Variants in HPSE2 observed in about 807,000 individuals in gnomAD.
HPSE2 encodes heparanase 2 (inactive), also known as inactive heparanase-2.
In HPSE2, 38 loss-of-function variants were observed where a neutral mutation model predicts 60.5. The observed-to-expected ratio is 0.63, with a 90% confidence interval of 0.48 to 0.82. HPSE2 has a LOEUF of 0.82. HPSE2 is among the 40% of genes least tolerant of loss of function. The pLI is 0.00. For missense variants in HPSE2, 713 were observed against 740.4 expected (o/e 0.96, Z 0.43); for synonymous variants, 295 against 293.2 (o/e 1.01, Z -0.06).
intron 9 of HPSE2, among the ~76,000 whole-genome samples, chr10:98,598,417 C>G (rs1456001715): frequency 1.3e-5 from 2 of 152,084 alleles, no homozygotes; most frequent in African/African-American, 4.8e-5. Context: ...TAGGGCAGGC[C>G]TGGAGCCTGT....
chr10:99,157,524 G>T (rs1489784563), intron 2 of HPSE2, among the ~76,000 whole-genome samples: 1 of 121,060 alleles, frequency 8.3e-6, no homozygotes, highest in African/African-American at 2.7e-5. Flanking sequence ...TTTAATAAAT[G>T]GTGCTGGGAA....
intron 9 of HPSE2, among the ~76,000 whole-genome samples, chr10:98,597,249 C>G (rs11189702): frequency 0.38 from 58,405 of 151,992 alleles, 11,401 homozygotes; most frequent in East Asian, 0.51. Context: ...GACCTTTGGC[C>G]TTCCTGTACT....
chr10:99,234,459 G>T (rs532476897), intron 1 of HPSE2, among the ~76,000 whole-genome samples: 1 of 152,336 alleles, frequency 6.6e-6, no homozygotes, highest in Admixed American at 6.5e-5. Context: ...GAGCGCTGAG[G>T]GCTCTTCGAG....
intron 4 of HPSE2, 97 bp from the exon 5 acceptor site, chr10:98,721,925 T>C (rs1349622621): frequency 4.0e-6 from 4 of 989,336 alleles, no homozygotes; most frequent in African/African-American, 3.6e-5. Flanking sequence ...CTTAATAATA[T>C]GAAAAAAAAA....
chr10:99,165,039 C>T (rs542692694), intron 2 of HPSE2, among the ~76,000 whole-genome samples: 24 of 144,114 alleles, frequency 1.7e-4, no homozygotes, highest in African/African-American at 5.1e-4. Context: ...GCCAAGATCG[C>T]GCCACTACAC....
chr10:98,496,212 A>T (rs1246196263), intron 9 of HPSE2, among the ~76,000 whole-genome samples: 1 of 152,130 alleles, frequency 6.6e-6, no homozygotes, highest in African/African-American at 2.4e-5. Context: ...TTTTCCCTGT[A>T]TACACAGTTG....
At chr10:99,069,988 A>G (rs1278418389) in intron 3 of HPSE2, among the ~76,000 whole-genome samples, 1 of 152,162 alleles carries the variant, frequency 6.6e-6, no homozygotes, top group East Asian at 1.9e-4. Context: ...GGAAAGAGTA[A>G]AGCAAGGTTT....
At chr10:99,067,638 C>T (rs1195989296) in intron 3 of HPSE2, among the ~76,000 whole-genome samples, 1 of 152,198 alleles carries the variant, frequency 6.6e-6, no homozygotes, top group Non-Finnish European at 1.5e-5. Flanking sequence ...CACAGGGCAC[C>T]AAGTTCCAAG....
At position 98,940,417 on chromosome 10, in the gene HPSE2, C is replaced by G. The variant is rs1245818482; in HGVS notation, c.611-196361G>C. On this transcript the variant is annotated intron_variant, in intron 3 of 11. Coordinates refer to ENST00000370552, the MANE Select transcript of HPSE2 (RefSeq NM_021828.5). ...AAAGGGGATATCACCACCGATCCCA[C>G]AGAAATACAAACTACCATCAGAGAA... Among the ~76,000 whole-genome samples, 2 of 143,338 alleles carry G rather than the reference C, an allele frequency of 1.4e-5. 1 individual carries two copies. Among genetic ancestry groups the G allele is most frequent in the African/African-American group, 5.7e-5 (2 of 35,182 alleles). The allele number at this position is 143,338 out of a possible 152,430, so 94.0% of individuals were successfully genotyped here.
chr10:98,611,357 T>C (rs1206268045), intron 9 of HPSE2, among the ~76,000 whole-genome samples: 1 of 152,142 alleles, frequency 6.6e-6, no homozygotes, highest in Non-Finnish European at 1.5e-5. Flanking sequence ...TGCCACAAAC[T>C]GGGATTAAAG....
At chr10:99,052,358 A>C (rs1404658996) in intron 3 of HPSE2, among the ~76,000 whole-genome samples, 1 of 152,096 alleles carries the variant, frequency 6.6e-6, no homozygotes, top group Admixed American at 6.5e-5. Flanking sequence ...AAAACAGAAC[A>C]ATAGAACAAC....
chr10:99,009,240 CAAAAAAAAAAAAAAAA>C (rs56775967), intron 3 of HPSE2, among the ~76,000 whole-genome samples: 2 of 74,422 alleles, frequency 2.7e-5, no homozygotes, highest in Non-Finnish European at 4.5e-5. Context: ...CCAGTGTCTA[CAAAAAAAAAAAAAAAA>C]AAAAAAAAAA....
chr10:99,073,628 T>G (rs556285778), intron 3 of HPSE2, among the ~76,000 whole-genome samples: 2 of 152,220 alleles, frequency 1.3e-5, no homozygotes, highest in South Asian at 4.2e-4. Flanking sequence ...CCCTGGAACT[T>G]AAAATACAAA....
intron 6 of HPSE2, among the ~76,000 whole-genome samples, chr10:98,644,596 C>T (rs1210676778): frequency 1.3e-5 from 2 of 152,210 alleles, no homozygotes; most frequent in South Asian, 2.1e-4. Context: ...GATTTTCTGG[C>T]TTTGCTTGAA....
In HPSE2 at chr10:98,619,231, A is replaced by G. The variant is rs1386405550; in HGVS notation, c.1205+1371T>C. 2.6e-5 allele frequency among the ~76,000 whole-genome samples: 4 copies of G among 152,200 alleles called. No individual in the cohort carries two copies. The East Asian group carries it at 7.7e-4, about 29-fold the overall frequency. ...GCAAAGCTATGGTTCTTAGGAGGAC[A>G]TTGCTCAGTCAAAAATCCAAGGCCA... is the stretch of plus-strand genomic sequence containing the variant. On this transcript the variant is annotated intron_variant, in intron 8 of 11. Coordinates refer to ENST00000370552, the MANE Select transcript of HPSE2 (RefSeq NM_021828.5).
At chr10:98,585,226 A>G (rs988278147) in intron 9 of HPSE2, among the ~76,000 whole-genome samples, 1 of 151,788 alleles carries the variant, frequency 6.6e-6, no homozygotes, top group Admixed American at 6.6e-5. Context: ...AAAGGTACCA[A>G]GTTCTACCAA....
intron 3 of HPSE2, among the ~76,000 whole-genome samples, chr10:99,042,308 G>A (rs1157294657): frequency 6.6e-6 from 1 of 151,864 alleles, no homozygotes; most frequent in African/African-American, 2.4e-5. Context: ...AGGCGTCCCT[G>A]GCTTGGGCCC....
At chr10:98,830,218 T>C (rs1052322087) in intron 3 of HPSE2, among the ~76,000 whole-genome samples, 2 of 152,200 alleles carry the variant, frequency 1.3e-5, no homozygotes, top group Admixed American at 1.3e-4. Flanking sequence ...ATGCAGTCCC[T>C]GTGTTAATAG....
chr10:99,048,051 C>A, intron 3 of HPSE2: 1 of 692,238 alleles, frequency 1.4e-6, no homozygotes, highest in South Asian at 1.5e-5. Flanking sequence ...ACTATAGAAC[C>A]ATATATTGCA....
Sources: allele counts gnomAD v4.1 joint callset (sites outside exome capture counted in the v4.1 genomes callset), GRCh38; gene constraint gnomAD v4.1.1; transcripts MANE v1.5; gene names NCBI Gene and HGNC (gene_info 2026-07-23, HGNC 2026-07-21).